The following NPAS3 variants were observed in gnomAD, a reference collection of about 807,000 sequenced individuals.
NPAS3 encodes the protein neuronal PAS domain-containing protein 3.
NPAS3 carries 14 observed loss-of-function variants against 73.1 expected under a neutral mutation model. That is an observed-to-expected ratio of 0.19 (90% CI 0.13 to 0.30). The LOEUF (loss-of-function observed/expected upper bound fraction) is 0.30, where lower values mean the gene tolerates loss of function less well. NPAS3 is among the 10% of genes least tolerant of loss of function. The pLI, the probability that NPAS3 is intolerant of heterozygous loss-of-function variation, is 1.00. For missense variants in NPAS3, 1,096 were observed against 1,250.0 expected, an observed-to-expected ratio of 0.88 and a Z score of 1.86; for synonymous variants, 620 against 541.5, an observed-to-expected ratio of 1.14 and a Z score of -2.01.
At chr14:33,178,059 C>A (rs960211596) in intron 2 of NPAS3, among the ~76,000 whole-genome samples, 1 of 147,602 alleles carries the variant, frequency 6.8e-6, no homozygotes. Flanking sequence ...TTTTGATAGG[C>A]ATTGAAGTGA....
At chr14:33,163,375 C>T (rs961132886) in intron 2 of NPAS3, among the ~76,000 whole-genome samples, 4 of 152,186 alleles carry the variant, frequency 2.6e-5, no homozygotes, top group African/African-American at 9.7e-5. Context: ...GAGGTAATTG[C>T]ACTTTACTTT....
At chr14:33,266,888 G>A (rs1317230376) in intron 3 of NPAS3, among the ~76,000 whole-genome samples, 2 of 152,120 alleles carry the variant, frequency 1.3e-5, no homozygotes, top group African/African-American at 4.8e-5. Context: ...AAATATCAAA[G>A]GTCTGAATGC....
At position 33,345,773 on chromosome 14, in the gene NPAS3, T is replaced by G. The variant is rs191585355; in HGVS notation, c.386-21413T>G. Among the ~76,000 whole-genome samples, 200 of 152,284 alleles carry G rather than the reference T, an allele frequency of 1.3e-3. 7 individuals are homozygous for G. The South Asian group carries it at 0.026, about 20-fold the overall frequency. On this transcript the variant is annotated intron_variant, in intron 3 of 11. Transcript: ENST00000356141. ...GCTGCCCTCTGCTGAGACCACAAAT[T>G]TTTCTCCCTTGTTTTTCGCATATCA...
At chr14:33,774,556 CCT>C in intron 8 of NPAS3, 26 bp downstream of exon 8, 2 of 1,585,016 alleles carry the variant, frequency 1.3e-6, no homozygotes, top group African/African-American at 1.3e-5. Flanking sequence ...TTTCATTTGC[CCT>C]GTTGCACGTT....
At position 33,246,122 on chromosome 14, in the gene NPAS3, C is replaced by T. The variant is rs996249820; in HGVS notation, c.385+30696C>T. ...TAACCTCGGGTAAGTTTATGATATG[C>T]CTCGAGCCTCAATTTCCGTCTCTGT... On this transcript the variant is annotated intron_variant, in intron 3 of 11. Transcript: ENST00000356141. 4.6e-5 allele frequency among the ~76,000 whole-genome samples: 7 copies of T among 152,072 alleles called. 1 individual carries two copies. The South Asian group carries it at 1.2e-3, about 27-fold the overall frequency.
intron 2 of NPAS3, among the ~76,000 whole-genome samples, chr14:33,145,208 T>C (rs946391510): frequency 6.6e-6 from 1 of 152,180 alleles, no homozygotes; most frequent in Non-Finnish European, 1.5e-5. Flanking sequence ...TATGTATATA[T>C]GAACGTGTAT....
intron 2 of NPAS3, among the ~76,000 whole-genome samples, chr14:33,163,994 G>A (rs2045023182): frequency 6.6e-6 from 1 of 152,220 alleles, no homozygotes; most frequent in Non-Finnish European, 1.5e-5. Context: ...GCATTGGGAA[G>A]CTGGCAGGGT....
At chr14:33,652,415 T>C (rs765758879) in intron 5 of NPAS3, among the ~76,000 whole-genome samples, 2 of 152,208 alleles carry the variant, frequency 1.3e-5, no homozygotes, top group Non-Finnish European at 2.9e-5. Flanking sequence ...TTAGCACAGA[T>C]GACCTTCTAA....
chr14:33,465,967 G>A (rs1183335815), intron 4 of NPAS3, among the ~76,000 whole-genome samples: 2 of 152,124 alleles, frequency 1.3e-5, no homozygotes, highest in African/African-American at 4.8e-5. Flanking sequence ...AAAGGAGCCT[G>A]GGTAGTTGAG....
intron 3 of NPAS3, among the ~76,000 whole-genome samples, chr14:33,220,258 T>G (rs759894792): frequency 1.2e-4 from 19 of 152,292 alleles, no homozygotes; most frequent in Admixed American, 6.5e-4. Context: ...TGCTCTGATC[T>G]CTACTTCTGT....
intron 5 of NPAS3, among the ~76,000 whole-genome samples, chr14:33,565,275 T>C (rs2055870982): frequency 1.3e-5 from 2 of 152,212 alleles, no homozygotes; most frequent in Admixed American, 1.3e-4. Context: ...ATTTGTTATA[T>C]AAAATGGCAA....
Position 33,800,429 on chromosome 14 carries a change from C to T in NPAS3, c.2122C>T (p.His708Tyr), listed in dbSNP as rs751187740. 17 of 1,587,786 alleles carry T rather than the reference C, an allele frequency of 1.1e-5. No individual in the cohort carries two copies. In the South Asian group the frequency reaches 1.9e-4, roughly 18 times the overall value. The stretch of plus-strand genomic sequence containing the variant: ...TGGGGGTGGCGGTGGCGGGGGGCTG[C>T]ACGTGGCCATTCCCGACTCGGTCCT... The change falls in exon 12 of 12, where the codon CAC becomes TAC. Residue 708 changes from histidine to tyrosine, a missense_variant. Transcript: ENST00000356141. The surrounding 1 kb of genome is among the most constrained non-coding windows in gnomAD (Gnocchi z 6.5).
chr14:32,950,880 A>C (rs17452327), intron 1 of NPAS3, among the ~76,000 whole-genome samples: 44,972 of 152,024 alleles, frequency 0.3, 7,713 homozygotes, highest in Middle Eastern at 0.46. Context: ...ACTAGGACAG[A>C]AGTTAGTAGA....
At chr14:33,084,699 G>C (rs2041964809) in intron 2 of NPAS3, among the ~76,000 whole-genome samples, 1 of 152,158 alleles carries the variant, frequency 6.6e-6, no homozygotes. Flanking sequence ...AGGAAAGAGG[G>C]GAGACCCTTG....
At chr14:33,082,776 A>G (rs1290633861) in intron 2 of NPAS3, among the ~76,000 whole-genome samples, 4 of 152,328 alleles carry the variant, frequency 2.6e-5, no homozygotes, top group Non-Finnish European at 5.9e-5. Flanking sequence ...TCCAAGTAAT[A>G]AAGTCTGCCT....
At chr14:33,657,913 C>A (rs1320954410) in intron 5 of NPAS3, among the ~76,000 whole-genome samples, 2 of 152,312 alleles carry the variant, frequency 1.3e-5, no homozygotes, top group East Asian at 3.9e-4. Flanking sequence ...GAAATGCCAA[C>A]TCTTCCAAGT....
chr14:33,556,818 G>T (rs2055377131), intron 4 of NPAS3, among the ~76,000 whole-genome samples: 1 of 152,146 alleles, frequency 6.6e-6, no homozygotes. Flanking sequence ...AGCTTCATCA[G>T]TCCATCCTTC....
rs10658218 is a variant in NPAS3 at position 33,650,741 on chromosome 14, CCT to C, written c.559-25448_559-25447del. ...GGCTCTAAGATGGAGAAAATCTTTT[CCT>C]CTCTCTCTCTCTCTCTCTCTCATTC... On this transcript the variant is annotated intron_variant, in intron 5 of 11. Transcript: ENST00000356141. 3.9e-3 allele frequency among the ~76,000 whole-genome samples: 576 copies of C among 147,836 alleles called. 4 individuals carry two copies. Among genetic ancestry groups the C allele is most frequent in the Middle Eastern group, 0.032 (9 of 282 alleles).
chr14:33,024,936 G>C (rs1184183934), intron 1 of NPAS3, among the ~76,000 whole-genome samples: 1 of 152,112 alleles, frequency 6.6e-6, no homozygotes, highest in Non-Finnish European at 1.5e-5. Context: ...TATAAATCAG[G>C]TATAGTTTTG....
Sources: allele counts gnomAD v4.1 joint callset (sites outside exome capture counted in the v4.1 genomes callset), GRCh38; gene constraint gnomAD v4.1.1; non-coding constraint Gnocchi (gnomAD v3.1); transcripts MANE v1.5; gene names NCBI Gene and HGNC (gene_info 2026-07-23, HGNC 2026-07-21).